Variants in TMEM91 observed in about 807,000 individuals in gnomAD.
The protein encoded by TMEM91 is transmembrane protein 91.
Under a neutral mutation model 13.3 loss-of-function variants are expected in TMEM91, and 6 were observed. The ratio of observed to expected loss-of-function variants is 0.45; its 90% CI spans 0.25 to 0.89. The LOEUF (loss-of-function observed/expected upper bound fraction) is 0.89, where lower values mean the gene tolerates loss of function less well. TMEM91 is among the 40% of genes least tolerant of loss of function. The probability of loss-of-function intolerance (pLI) is 0.19; values close to 1 mark genes in which losing one functional copy is unlikely to be tolerated. For missense variants in TMEM91, 193 were observed against 228.7 expected (o/e 0.84, Z 1.01); for synonymous variants, 87 against 101.7 (o/e 0.86, Z 0.87).
intron 1 of TMEM91, among the ~76,000 whole-genome samples, chr19:41,368,646 G>A (rs1011804591): frequency 5.9e-5 from 9 of 151,798 alleles, no homozygotes; most frequent in African/African-American, 2.2e-4. Flanking sequence ...CTGACCTCAA[G>A]TGATCCACCT....
rs775691395 is a variant in TMEM91, at chr19:41,383,696, C to A, written c.361-19C>A. On this transcript the variant is annotated intron_variant, in intron 3 of 3. Coordinates refer to ENST00000392002, the MANE Select transcript of TMEM91 (RefSeq NM_001098821.2). ...GACTGAGGGGATGCCTGGGTCACTG[C>A]TGCCCACTGCCTCTACAGACCAACA... The A allele has an allele frequency of 6.2e-7, 1 of 1,613,376 alleles. No homozygotes were observed. The highest frequency in any genetic ancestry group is 8.5e-7 in the Non-Finnish European group (1 of 1,179,668).
chr19:41,382,977 A>G (rs1405567405), intron 3 of TMEM91, 56 bp downstream of exon 3: 1 of 1,593,396 alleles, frequency 6.3e-7, no homozygotes, highest in African/African-American at 1.3e-5. Flanking sequence ...AAAATGCACC[A>G]CAAAAACAAA....
chr19:41,373,291 C>G (rs117194537), upstream of TMEM91, among the ~76,000 whole-genome samples: 4 of 152,130 alleles, frequency 2.6e-5, no homozygotes, highest in East Asian at 7.8e-4. Flanking sequence ...AGAGGTGTAG[C>G]CTCTTAGACT....
chr19:41,369,558 A>G (rs1026291741), intron 1 of TMEM91, among the ~76,000 whole-genome samples: 1 of 150,806 alleles, frequency 6.6e-6, no homozygotes, highest in African/African-American at 2.4e-5. Flanking sequence ...GATTCCCAGC[A>G]CTTTGGGAGG....
chr19:41,380,066 T>C (rs2038843304), intron 2 of TMEM91, among the ~76,000 whole-genome samples: 3 of 151,948 alleles, frequency 2.0e-5, no homozygotes, highest in Admixed American at 6.6e-5. Context: ...CAGCTAATTT[T>C]GTATTTTTAG....
chr19:41,381,659 T>C (rs1172842160), intron 2 of TMEM91, among the ~76,000 whole-genome samples: 1 of 151,802 alleles, frequency 6.6e-6, no homozygotes, highest in Non-Finnish European at 1.5e-5. Flanking sequence ...CCACTGAGCC[T>C]GGCCCATGCC....
chr19:41,368,117 C>T (rs763133386), intron 1 of TMEM91, among the ~76,000 whole-genome samples: 1 of 152,072 alleles, frequency 6.6e-6, no homozygotes, highest in Non-Finnish European at 1.5e-5. Context: ...ACCACATTAT[C>T]GAAAGTTGGC....
At chr19:41,368,435 G>A (rs1006441780) in intron 1 of TMEM91, among the ~76,000 whole-genome samples, 1 of 142,970 alleles carries the variant, frequency 7.0e-6, no homozygotes, top group Non-Finnish European at 1.5e-5. Context: ...TGGGGGGGGT[G>A]GTTATTGGGT....
intron 1 of TMEM91, among the ~76,000 whole-genome samples, chr19:41,370,951 C>A (rs1389066455): frequency 6.6e-6 from 1 of 151,900 alleles, no homozygotes; most frequent in East Asian, 1.9e-4. Flanking sequence ...GATCAGCCCG[C>A]CTCGGCCTCC....
At chr19:41,366,521 T>A (rs901424452) in intron 1 of TMEM91, among the ~76,000 whole-genome samples, 2 of 152,156 alleles carry the variant, frequency 1.3e-5, no homozygotes, top group African/African-American at 4.8e-5. Flanking sequence ...TCAGGTCCCA[T>A]CTGCTCAGAC....
intron 1 of TMEM91, 102 bp from the exon 2 acceptor site, chr19:41,378,179 C>T: frequency 1.2e-6 from 1 of 842,614 alleles, no homozygotes; most frequent in Non-Finnish European, 1.9e-6. Context: ...CTGAGGACCA[C>T]TGCACTAACT....
intron 2 of TMEM91, among the ~76,000 whole-genome samples, chr19:41,380,831 T>C (rs1388715542): frequency 6.7e-6 from 1 of 150,214 alleles, no homozygotes; most frequent in Non-Finnish European, 1.5e-5. Context: ...GGAGAATCAC[T>C]TAAACCTGGG....
intron 2 of TMEM91, 58 bp from the exon 3 acceptor site, chr19:41,382,714 A>C: frequency 6.3e-7 from 1 of 1,582,702 alleles, no homozygotes; most frequent in Non-Finnish European, 8.6e-7. Flanking sequence ...TGGAGAGCAG[A>C]GCAATGGGGC....
At chr19:41,374,732 C>T (rs2038678052), upstream of TMEM91, among the ~76,000 whole-genome samples, 1 of 152,074 alleles carries the variant, frequency 6.6e-6, no homozygotes, top group South Asian at 2.1e-4. Context: ...ACCTGTAATC[C>T]CAGCACTTTG....
chr19:41,382,313 C>T (rs897547939), intron 2 of TMEM91, among the ~76,000 whole-genome samples: 3 of 152,126 alleles, frequency 2.0e-5, no homozygotes, highest in African/African-American at 7.2e-5. Flanking sequence ...CAAAGGGCTC[C>T]AGGATACAAA....
chr19:41,382,812 G>A lies in TMEM91; in HGVS notation c.251G>A (p.Gly84Asp), dbSNP rs765762867. The change falls in exon 3 of 4, where the codon GGC becomes GAC. Residue 84 changes from glycine to aspartate, a missense_variant. Transcript: ENST00000392002. ...SSDSDSDWDG[G>D]SRLSPFLPHD... is the part of the protein sequence containing the mutation. ...GACAGTGACTCGGACTGGGATGGAGGCAGCCGTCTTTCACCATTTCTACCC... is the reference window on the plus strand; with the variant it reads ...GACAGTGACTCGGACTGGGATGGAGACAGCCGTCTTTCACCATTTCTACCC... 15 of 1,614,202 alleles carry A rather than the reference G, an allele frequency of 9.3e-6. No individual in the cohort carries two copies. The highest frequency in any genetic ancestry group is 1.3e-5 in the Non-Finnish European group (15 of 1,180,042).
intron 1 of TMEM91, among the ~76,000 whole-genome samples, chr19:41,378,052 A>G (rs572645729): frequency 1.1e-4 from 16 of 150,090 alleles, no homozygotes; most frequent in Middle Eastern, 3.5e-3. Context: ...AAAAAAAAAA[A>G]AGAGAGAGAG....
chr19:41,381,519 C>G (rs1406859269), intron 2 of TMEM91, among the ~76,000 whole-genome samples: 1 of 152,028 alleles, frequency 6.6e-6, no homozygotes, highest in Non-Finnish European at 1.5e-5. Flanking sequence ...TGCCACCACA[C>G]CCGGCTAATT....
chr19:41,368,258 T>TA (rs376075259), intron 1 of TMEM91, among the ~76,000 whole-genome samples: 12 of 148,922 alleles, frequency 8.1e-5, no homozygotes, highest in African/African-American at 9.8e-5. Context: ...CGAAAACGTT[T>TA]AAAAAAAAAA....
Sources: gnomAD v4.1 joint callset for allele counts (sites outside exome capture counted in the v4.1 genomes callset) on GRCh38, gnomAD v4.1.1 for gene constraint, MANE v1.5 for transcripts, NCBI Gene and HGNC (gene_info 2026-07-23, HGNC 2026-07-21) for gene names.